PRDM15: variants seen among roughly 807,000 people sequenced by gnomAD.
PRDM15 encodes PR/SET domain 15.
Under a neutral mutation model 128.6 loss-of-function variants are expected in PRDM15, and 64 were observed. The observed-to-expected ratio is 0.50, with a 90% CI of 0.41 to 0.61. The LOEUF (loss-of-function observed/expected upper bound fraction) is 0.61, where lower values mean the gene tolerates loss of function less well. PRDM15 is among the 20% of genes least tolerant of loss of function. PRDM15 has a pLI of 0.00. For missense variants in PRDM15, 1,242 were observed against 1,569.1 expected (o/e 0.79, Z 3.52); for synonymous variants, 615 against 621.8 (o/e 0.99, Z 0.16).
At chr21:41,874,886 G>C (rs765903497) in intron 1 of PRDM15, 12 of 152,360 alleles carry the variant, frequency 7.9e-5, no homozygotes, top group South Asian at 2.1e-4. Flanking sequence ...CCGAGCTCCA[G>C]TTTTATGTAA....
chr21:41,839,677 T>C lies in PRDM15; in HGVS notation c.817A>G (p.Lys273Glu), dbSNP rs1045818819. 5.6e-6 allele frequency: 9 copies of C among 1,614,274 alleles called. No individual in the cohort carries two copies. The highest frequency in any genetic ancestry group is 7.6e-6 in the Non-Finnish European group (9 of 1,180,050). ...AGAGGCTGCTCAGCTTTGGACACTT[T>C]GGGTTTTCTCCCCCTTCGAGGCTTT... The part of the protein sequence containing the change: ...KKKPRRGRKP[K>E]VSKAEQPLVI... Residue 273 changes from lysine (K) to glutamate (E), a missense_variant, in exon 7 of 24, where the codon AAA becomes GAA. Around this residue, in one of 3 missense-constraint regions of PRDM15, gnomAD observed 612 missense variants for 717.0 expected, o/e 0.85. Coordinates refer to ENST00000398548, the MANE Select transcript of PRDM15 (RefSeq NM_001040424.3).
intron 13 of PRDM15, among the ~76,000 whole-genome samples, chr21:41,825,021 T>C (rs995082976): frequency 6.6e-6 from 1 of 152,084 alleles, no homozygotes; most frequent in African/African-American, 2.4e-5. Context: ...TGGGGCACCC[T>C]CCCCTCGGCG....
At chr21:41,873,127 A>G (rs1192114935) in intron 1 of PRDM15, among the ~76,000 whole-genome samples, 1 of 152,178 alleles carries the variant, frequency 6.6e-6, no homozygotes, top group African/African-American at 2.4e-5. Flanking sequence ...GTCTGACAGC[A>G]GCTGCATCCT....
At chr21:41,850,214 C>A (rs536460803) in intron 5 of PRDM15, among the ~76,000 whole-genome samples, 1 of 152,000 alleles carries the variant, frequency 6.6e-6, no homozygotes, top group South Asian at 2.1e-4. Flanking sequence ...ATTCTCAGAG[C>A]GAGACTAAAA....
intron 11 of PRDM15, chr21:41,834,664 T>C (rs756840861): frequency 3.3e-6 from 3 of 914,782 alleles, no homozygotes; most frequent in Non-Finnish European, 5.1e-6. Flanking sequence ...CCACTGGGAA[T>C]GGGGAAGGTG....
intron 23 of PRDM15, among the ~76,000 whole-genome samples, 174 bp from the exon 24 acceptor site, chr21:41,801,896 A>G (rs1699089176): frequency 6.6e-6 from 1 of 152,234 alleles, no homozygotes; most frequent in African/African-American, 2.4e-5. Flanking sequence ...CAAAAACAAG[A>G]AACAGACACA....
chr21:41,855,083 T>G (rs2063539867), intron 4 of PRDM15, among the ~76,000 whole-genome samples: 1 of 152,100 alleles, frequency 6.6e-6, no homozygotes, highest in Non-Finnish European at 1.5e-5. Flanking sequence ...GATACCTGAG[T>G]GTTACTCACG....
Position 41,859,820 on chromosome 21 carries a change from A to T in PRDM15, c.38-135T>A. On this transcript the variant is annotated intron_variant, in intron 2 of 23. Coordinates refer to ENST00000398548, the MANE Select transcript of PRDM15 (RefSeq NM_001040424.3). This position sits in a 1 kb window ranked among gnomAD's most constrained non-coding sequence, Gnocchi z 5.3. ...ACACATGCATGCCGACACTGCAAAG[A>T]CAAGCAAGGGAGGGTGCATTGGATG... is the stretch of plus-strand genomic sequence containing the variant. The T allele has an allele frequency of 1.4e-6, 1 of 727,788 alleles. No individual in the cohort carries two copies. The highest frequency in any genetic ancestry group is 2.4e-6 in the Non-Finnish European group (1 of 423,208). 45.1% of individuals were successfully genotyped at this position (727,788 alleles called of 1,614,324 possible).
At chr21:41,822,438 T>C (rs1389753073) in intron 14 of PRDM15, among the ~76,000 whole-genome samples, 1 of 152,218 alleles carries the variant, frequency 6.6e-6, no homozygotes, top group Non-Finnish European at 1.5e-5. Context: ...TTCTGCTCCG[T>C]TCCTCTCTTT....
chr21:41,839,869 C>A lies in PRDM15; in HGVS notation c.641-16G>T. 1 of 1,607,080 alleles carries A rather than the reference C, an allele frequency of 6.2e-7. No individual in the cohort carries two copies. Among genetic ancestry groups the A allele is most frequent in the South Asian group, 1.1e-5 (1 of 90,922 alleles). Reference sequence around the variant, plus strand: ...AACAGATGTTCTGCAAAGAGAGACGCGAATGCACCACACAATTAGGAAGCC... The same window carrying A: ...AACAGATGTTCTGCAAAGAGAGACGAGAATGCACCACACAATTAGGAAGCC... On this transcript the variant is annotated splice_polypyrimidine_tract_variant and intron_variant, in intron 6 of 23. Transcript: ENST00000398548.
Position 41,810,056 on chromosome 21 carries a change from T to C in PRDM15, c.2652+98A>G. 1.6e-6 allele frequency: 2 copies of C among 1,235,698 alleles called. No individual in the cohort carries two copies. The highest frequency in any genetic ancestry group is 2.3e-6 in the Non-Finnish European group (2 of 882,524). The allele number at this position is 1,235,698 out of a possible 1,614,324, so 76.5% of individuals were successfully genotyped here. ...AAGACTCAGGGCCTGCCTCCAGTAC[T>C]GGGGGTCTGCAGAGGGAGGTGGGCC... On this transcript the variant is annotated intron_variant, in intron 21 of 23. Coordinates refer to ENST00000398548, the MANE Select transcript of PRDM15 (RefSeq NM_001040424.3). The surrounding 1 kb of genome is among the most constrained non-coding windows in gnomAD (Gnocchi z 6.4).
In PRDM15 at chr21:41,852,111, A is replaced by G. The variant is rs956673573; in HGVS notation, c.538+2455T>C. Among the ~76,000 whole-genome samples the G allele has an allele frequency of 2.0e-5, 3 of 152,292 alleles. No individual in the cohort carries two copies. The South Asian group carries it at 6.2e-4, about 32-fold the overall frequency. On this transcript the variant is annotated intron_variant, in intron 5 of 23. Coordinates refer to ENST00000398548, the MANE Select transcript of PRDM15 (RefSeq NM_001040424.3). ...ACTTCATTTAAATCTATTGTTTCAA[A>G]CTCAGCTCCAGATTGAAGGGTCTCC...
chr21:41,802,623 TA>T, intron 23 of PRDM15, 88 bp downstream of exon 23: 1 of 1,075,390 alleles, frequency 9.3e-7, no homozygotes, highest in Non-Finnish European at 1.4e-6. Flanking sequence ...CTGTGTATAG[TA>T]AAAAGAGATG....
At position 41,810,974 on chromosome 21, in the gene PRDM15, T is replaced by C. The variant is rs1265398901; in HGVS notation, c.2393-138A>G. On this transcript the variant is annotated intron_variant, in intron 19 of 23. Coordinates refer to ENST00000398548, the MANE Select transcript of PRDM15 (RefSeq NM_001040424.3). This position sits in a 1 kb window ranked among gnomAD's most constrained non-coding sequence, Gnocchi z 6.4. ...TGAATTGCAAGAAGACAGCAGACAA[T>C]GAACGCTCATCCCCAGCCTCGGCCA... is the stretch of plus-strand genomic sequence containing the variant. 1 of 711,022 alleles carries C rather than the reference T, an allele frequency of 1.4e-6. No homozygotes were observed. Among genetic ancestry groups the C allele is most frequent in the Non-Finnish European group, 2.4e-6 (1 of 408,370 alleles). 44.0% of individuals were successfully genotyped at this position (711,022 alleles called of 1,614,324 possible). A position where few individuals can be genotyped will look rare whatever the true frequency, so the allele number is the denominator to read the frequency against.
rs367789493 is a variant in PRDM15 at position 41,802,789 on chromosome 21, C to T, written c.2866G>A (p.Glu956Lys). The change falls in exon 23 of 24, where the codon GAA becomes AAA. Residue 956 changes from glutamate to lysine, a missense_variant. Glu to Lys is a moderately conservative substitution (Grantham distance 56). Around this residue, in one of 3 missense-constraint regions of PRDM15, gnomAD observed 602 missense variants for 788.3 expected, o/e 0.76. Transcript: ENST00000398548. ...AACTCCGTCTCTTTCTCTGAGTATTCGCTGAAGGTGGCGTCCTCGGGCACC... is the reference window on the plus strand; with the variant it reads ...AACTCCGTCTCTTTCTCTGAGTATTTGCTGAAGGTGGCGTCCTCGGGCACC... ...APVPEDATFS[E>K]YSEKETEFTG... The T allele has an allele frequency of 1.5e-5, 25 of 1,614,102 alleles. No individual in the cohort carries two copies. Among genetic ancestry groups the T allele is most frequent in the East Asian group, 4.5e-5 (2 of 44,898 alleles).
intron 11 of PRDM15, among the ~76,000 whole-genome samples, chr21:41,829,062 A>G (rs1396881336): frequency 6.8e-6 from 1 of 148,118 alleles, no homozygotes; most frequent in African/African-American, 2.5e-5. Context: ...AATCACACAC[A>G]CCATACACAC....
chr21:41,819,386 G>T (rs1265590972), intron 18 of PRDM15, among the ~76,000 whole-genome samples, 196 bp downstream of exon 18: 1 of 147,312 alleles, frequency 6.8e-6, no homozygotes, highest in Non-Finnish European at 1.5e-5. Flanking sequence ...TGCAGCAGCT[G>T]AGCGGCCTGG....
chr21:41,867,342 C>T (rs758275920), intron 1 of PRDM15: 5 of 1,613,694 alleles, frequency 3.1e-6, no homozygotes, highest in Non-Finnish European at 4.2e-6. Flanking sequence ...GGCAGATTTT[C>T]CTGGTTCCCC....
chr21:41,815,474 G>A (rs1047975948), intron 19 of PRDM15, among the ~76,000 whole-genome samples: 10 of 152,312 alleles, frequency 6.6e-5, no homozygotes, highest in South Asian at 2.1e-4. Flanking sequence ...TCCCAATGCC[G>A]GAAGTGAGCT....
Sources: allele counts gnomAD v4.1 joint callset (sites outside exome capture counted in the v4.1 genomes callset), GRCh38; gene constraint gnomAD v4.1.1; regional missense constraint gnomAD v4.1.1; non-coding constraint Gnocchi (gnomAD v3.1); transcripts MANE v1.5; gene names NCBI Gene and HGNC (gene_info 2026-07-23, HGNC 2026-07-21).